NHLRC3: variants seen among roughly 807,000 people sequenced by gnomAD.
NHLRC3 encodes the protein NHL repeat containing 3, also known as NHL repeat-containing protein 3.
In NHLRC3, 23 loss-of-function variants were observed where a neutral mutation model predicts 32.0. That is an observed-to-expected ratio of 0.72 (90% CI 0.52 to 1.02). NHLRC3 has a LOEUF of 1.02. Ranked by LOEUF, NHLRC3 falls within the 50% of genes least tolerant of loss-of-function variation. The pLI is 0.00. For synonymous variants in NHLRC3, 159 were observed against 147.9 expected (o/e 1.08, Z -0.55); for missense variants, 407 against 406.8 (o/e 1.00, Z -0.01).
In NHLRC3 at chr13:39,047,062, A is replaced by G; in HGVS notation, c.701A>G (p.Asn234Ser). 1.2e-6 allele frequency: 2 copies of G among 1,612,352 alleles called. No homozygotes were observed. The highest frequency in any genetic ancestry group is 1.7e-4 in the Middle Eastern group (1 of 6,060). ...CAGGTGTGGGTTGCTGACCGAGGAA[A>G]TAAAAGAATCCAAGTATTTGATAAA... is the stretch of plus-strand genomic sequence containing the variant. ...AGRVWVADRG[N>S]KRIQVFDKDT... The change falls in exon 6 of 7, where the codon AAT becomes AGT. Residue 234 changes from asparagine to serine, a missense_variant. By Grantham distance (46) the Asn-to-Ser change is conservative. Transcript: ENST00000379600.
intron 4 of NHLRC3, among the ~76,000 whole-genome samples, chr13:39,043,659 T>G (rs1871547946): frequency 6.6e-6 from 1 of 152,146 alleles, no homozygotes; most frequent in African/African-American, 2.4e-5. Context: ...AGTTAGGACT[T>G]GGACATCTTT....
Position 39,039,299 on chromosome 13 carries a change from A to G in NHLRC3, c.237+11A>G, listed in dbSNP as rs184646224. 1.2e-6 allele frequency: 2 copies of G among 1,601,410 alleles called. No individual in the cohort carries two copies. Among genetic ancestry groups the G allele is most frequent in the Admixed American group, 3.4e-5 (2 of 59,508 alleles). ...GTTTACATAGGTCAAGTAAGTAAAT[A>G]GAGATTTAAAAAAATTATGAACACA... On this transcript the variant is annotated intron_variant, in intron 2 of 6. Transcript: ENST00000379600.
rs965722854 is a variant in NHLRC3 at position 39,042,377 on chromosome 13, G to T, written c.586+72G>T. On this transcript the variant is annotated intron_variant, in intron 4 of 6. Coordinates refer to ENST00000379600, the MANE Select transcript of NHLRC3 (RefSeq NM_001012754.4). ...TAATTTGTTCGATATTTGGTATAAT[G>T]TTTTAAGTGTTGTGTATGAAGCGGT... 3.1e-6 allele frequency: 3 copies of T among 965,574 alleles called. No individual in the cohort carries two copies. The African/African-American group carries it at 5.0e-5, about 16-fold the overall frequency. The allele number at this position is 965,574 out of a possible 1,614,324, so 59.8% of individuals were successfully genotyped here.
At chr13:39,046,863 A>T (rs1871698231) in intron 5 of NHLRC3, among the ~76,000 whole-genome samples, 177 bp from the exon 6 acceptor site, 1 of 152,252 alleles carries the variant, frequency 6.6e-6, no homozygotes, top group African/African-American at 2.4e-5. Context: ...AGCTCACTTC[A>T]GAGACGGCAA....
At chr13:39,042,741 C>G (rs1200574254) in intron 4 of NHLRC3, among the ~76,000 whole-genome samples, 1 of 152,130 alleles carries the variant, frequency 6.6e-6, no homozygotes, top group Non-Finnish European at 1.5e-5. Context: ...GAAATGTAGT[C>G]TATGCTATTG....
intron 1 of NHLRC3, 162 bp from the exon 2 acceptor site, chr13:39,038,972 GGT>G (rs1367860538): frequency 3.1e-6 from 2 of 645,414 alleles, no homozygotes; most frequent in Non-Finnish European, 5.4e-6. Context: ...TGGTCGTGTT[GGT>G]CTTTAGGCAT....
rs759472747 is a variant in NHLRC3 at position 39,039,307 on chromosome 13, A to T, written c.237+19A>T. On this transcript the variant is annotated intron_variant, in intron 2 of 6. Transcript: ENST00000379600. ...AGGTCAAGTAAGTAAATAGAGATTT[A>T]AAAAAATTATGAACACAAAGGAAGT... The T allele has an allele frequency of 1.0e-5, 16 of 1,591,148 alleles. No homozygotes were observed. Among genetic ancestry groups the T allele is most frequent in the Admixed American group, 5.1e-5 (3 of 59,388 alleles).
chr13:39,046,181 G>A (rs551011903), intron 5 of NHLRC3, among the ~76,000 whole-genome samples: 131 of 152,242 alleles, frequency 8.6e-4, no homozygotes, highest in Non-Finnish European at 1.4e-3. Context: ...AGCCGGGCGT[G>A]GTGGCGGGCG....
rs1270299575 is a variant in NHLRC3, at chr13:39,048,839, C to T, written c.*913C>T. 3 of 151,788 alleles carry T rather than the reference C, an allele frequency of 2.0e-5. No homozygotes were observed. The highest frequency in any genetic ancestry group is 4.4e-5 in the Non-Finnish European group (3 of 67,812). The allele number at this position is 151,788 out of a possible 1,614,324, so 9.4% of individuals were successfully genotyped here. A position where few individuals can be genotyped will look rare whatever the true frequency, so the allele number is the denominator to read the frequency against. ...ACTAAGGATTGTAGAGCTTCCTTCT[C>T]TTTTTTTTTCTTTTTCTTTCTTTTG... On this transcript the variant is annotated 3_prime_UTR_variant, in exon 7 of 7. Transcript: ENST00000379600.
At chr13:39,038,338 G>C (rs1355376124), upstream of NHLRC3, 2 of 415,188 alleles carry the variant, frequency 4.8e-6, no homozygotes, top group South Asian at 6.3e-5. Context: ...GAAAGTCAGC[G>C]GCGCGGACTG....
In NHLRC3 at chr13:39,042,158, G is replaced by A; in HGVS notation, c.439G>A (p.Val147Ile). The change falls in exon 4 of 7, where the codon GTC becomes ATC. Residue 147 changes from valine (V) to isoleucine (I), a missense_variant. Physicochemically the swap from Val to Ile is conservative, Grantham distance 29. Coordinates refer to ENST00000379600, the MANE Select transcript of NHLRC3 (RefSeq NM_001012754.4). ...KYSSFGDLVQ[V>I]LGTPGKKGTS... is the part of the protein sequence containing the mutation. ...CAGTTCTTTTGGTGATCTTGTTCAA[G>A]TCTTGGGTACTCCAGGCAAAAAAGG... is the stretch of plus-strand genomic sequence containing the variant. The A allele has an allele frequency of 6.2e-7, 1 of 1,612,492 alleles. No homozygotes were observed. Among genetic ancestry groups the A allele is most frequent in the South Asian group, 1.1e-5 (1 of 91,052 alleles).
intron 3 of NHLRC3, chr13:39,040,585 G>A (rs1871429650): frequency 6.6e-6 from 1 of 152,198 alleles, no homozygotes; most frequent in South Asian, 2.1e-4. Context: ...AGTTTTCAGA[G>A]AAACAATTCA....
intron 1 of NHLRC3, 25 bp downstream of exon 1, chr13:39,038,748 C>G (rs1022124136): frequency 6.3e-7 from 1 of 1,586,348 alleles, no homozygotes; most frequent in Non-Finnish European, 8.7e-7. Flanking sequence ...GAGGAAATGA[C>G]TGTCGGGTGT....
In NHLRC3 at chr13:39,050,009, A is replaced by G. The variant is rs1210788539; in HGVS notation, c.*2083A>G. 3.9e-5 allele frequency: 6 copies of G among 152,230 alleles called. No individual in the cohort carries two copies. 9.4% of individuals were successfully genotyped at this position (152,230 alleles called of 1,614,324 possible). On this transcript the variant is annotated 3_prime_UTR_variant, in exon 7 of 7. Coordinates refer to ENST00000379600, the MANE Select transcript of NHLRC3 (RefSeq NM_001012754.4). Reference sequence around the variant, plus strand: ...GATTAATTGGTTAAATGAATGAGAAATGTGTTATGTTTTTTACTAAAAAGT... The same window carrying G: ...GATTAATTGGTTAAATGAATGAGAAGTGTGTTATGTTTTTTACTAAAAAGT...
At chr13:39,039,085 TGTTC>T in intron 1 of NHLRC3, 47 bp from the exon 2 acceptor site, 7 of 1,328,012 alleles carry the variant, frequency 5.3e-6, no homozygotes, top group South Asian at 2.6e-5. Flanking sequence ...GCCCTTTTTT[TGTTC>T]TTACCTAGAC....
In NHLRC3 at chr13:39,044,234, T is replaced by TGG. The variant is rs1566033879; in HGVS notation, c.678+54_678+55insGG. 1.1e-4 allele frequency: 48 copies of TGG among 454,194 alleles called. No individual in the cohort carries two copies. In the East Asian group the frequency reaches 1.9e-3, roughly 18 times the overall value. The allele number at this position is 454,194 out of a possible 1,614,324, so 28.1% of individuals were successfully genotyped here. A position where few individuals can be genotyped will look rare whatever the true frequency, so the allele number is the denominator to read the frequency against. ...GACTTTGTGTCTGAATATGTTTGTG[T>TGG]GTGTGTGTGTGTGTGTGTGTGTGTG... is the stretch of plus-strand genomic sequence containing the variant. On this transcript the variant is annotated intron_variant, in intron 5 of 6. Coordinates refer to ENST00000379600, the MANE Select transcript of NHLRC3 (RefSeq NM_001012754.4).
At chr13:39,045,896 T>A (rs1261724011) in intron 5 of NHLRC3, among the ~76,000 whole-genome samples, 2 of 152,194 alleles carry the variant, frequency 1.3e-5, no homozygotes, top group Admixed American at 1.3e-4. Flanking sequence ...TAATCAGGGT[T>A]ACCTGTGAAG....
In NHLRC3 at chr13:39,048,147, T is replaced by C. The variant is rs1019947291; in HGVS notation, c.*221T>C. 2 of 417,838 alleles carry C rather than the reference T, an allele frequency of 4.8e-6. No individual in the cohort carries two copies. The highest frequency in any genetic ancestry group is 8.6e-6 in the Non-Finnish European group (2 of 232,516). The allele number at this position is 417,838 out of a possible 1,614,324, so 25.9% of individuals were successfully genotyped here. On this transcript the variant is annotated 3_prime_UTR_variant, in exon 7 of 7. Transcript: ENST00000379600. ...GATATTTTAATGAAAGGAAAGTAACTAAAAAATGGGGTTGGGAAGAGGGAC... is the reference window on the plus strand; with the variant it reads ...GATATTTTAATGAAAGGAAAGTAACCAAAAAATGGGGTTGGGAAGAGGGAC...
chr13:39,039,273 G>A lies in NHLRC3; in HGVS notation c.222G>A (p.Leu74=), dbSNP rs1176694759. Residue 74 remains leucine, a synonymous_variant, in exon 2 of 7, where the codon TTG becomes TTA. Transcript: ENST00000379600. Reference sequence around the variant, plus strand: ...TTGCAGTTGACTCCCTCAATGGATTGGTTTACATAGGTCAAGTAAGTAAAT... The same window carrying A: ...TTGCAGTTGACTCCCTCAATGGATTAGTTTACATAGGTCAAGTAAGTAAAT... ...FCVAVDSLNG[L]VYIGQRGDNI... 6.2e-7 allele frequency: 1 copy of A among 1,613,134 alleles called. No homozygotes were observed. The highest frequency in any genetic ancestry group is 1.7e-5 in the Admixed American group (1 of 59,944).
Sources: gnomAD v4.1 joint callset for allele counts (sites outside exome capture counted in the v4.1 genomes callset) on GRCh38, gnomAD v4.1.1 for gene constraint, MANE v1.5 for transcripts, NCBI Gene and HGNC (gene_info 2026-07-23, HGNC 2026-07-21) for gene names.